Variants in TNR observed in about 807,000 individuals in gnomAD.
TNR encodes the protein tenascin-R.
In TNR, 45 loss-of-function variants were observed where a neutral mutation model predicts 150.4. That is an observed-to-expected ratio of 0.30 (90% CI 0.24 to 0.38). The LOEUF is 0.38. Ranked by LOEUF, TNR falls within the 10% of genes least tolerant of loss-of-function variation. The probability of loss-of-function intolerance (pLI) is 1.00; values close to 1 mark genes in which losing one functional copy is unlikely to be tolerated. For synonymous variants in TNR, 687 were observed against 678.4 expected (o/e 1.01, Z -0.20); for missense variants, 1,544 against 1,759.1 (o/e 0.88, Z 2.19).
At chr1:175,710,379 C>G (rs1666976045) in intron 1 of TNR, among the ~76,000 whole-genome samples, 1 of 152,100 alleles carries the variant, frequency 6.6e-6, no homozygotes, top group African/African-American at 2.4e-5. Context: ...GATTTCTGTC[C>G]TGCTTATGTT....
intron 18 of TNR, among the ~76,000 whole-genome samples, chr1:175,339,074 G>T (rs376663328): frequency 1.3e-5 from 2 of 152,166 alleles, no homozygotes; most frequent in East Asian, 3.8e-4. Context: ...TTTAATTCTT[G>T]CAAGAAACTT....
intron 1 of TNR, among the ~76,000 whole-genome samples, chr1:175,605,778 T>C (rs1196348328): frequency 2.0e-5 from 3 of 152,232 alleles, no homozygotes; most frequent in African/African-American, 7.2e-5. Flanking sequence ...GAATTGCTGG[T>C]CATCTCATCT....
intron 1 of TNR, among the ~76,000 whole-genome samples, chr1:175,586,542 G>T (rs1662582443): frequency 6.6e-6 from 1 of 152,052 alleles, no homozygotes; most frequent in South Asian, 2.1e-4. Flanking sequence ...CTGACCTCAG[G>T]TTATCTGCCC....
chr1:175,493,863 AAC>A (rs1326603999), intron 2 of TNR, among the ~76,000 whole-genome samples: 1 of 151,902 alleles, frequency 6.6e-6, no homozygotes, highest in Admixed American at 6.6e-5. Context: ...ACTCCTCTGA[AAC>A]ACACTCTGTG....
chr1:175,503,129 C>T (rs1351245191), intron 2 of TNR, among the ~76,000 whole-genome samples: 2 of 152,134 alleles, frequency 1.3e-5, no homozygotes, highest in African/African-American at 2.4e-5. Context: ...AGCCAGTACA[C>T]GTTGCTGAGG....
At chr1:175,352,820 C>T (rs539606651) in intron 18 of TNR, among the ~76,000 whole-genome samples, 16 of 152,282 alleles carry the variant, frequency 1.1e-4, no homozygotes, top group African/African-American at 3.4e-4. Context: ...TCACAATCTC[C>T]GCACTCTATA....
intron 2 of TNR, among the ~76,000 whole-genome samples, chr1:175,410,227 T>C (rs1220131015): frequency 6.6e-6 from 1 of 152,096 alleles, no homozygotes; most frequent in Non-Finnish European, 1.5e-5. Flanking sequence ...GGGAGCCCTG[T>C]GGGGAGATAA....
At chr1:175,524,683 A>G (rs541674957) in intron 2 of TNR, among the ~76,000 whole-genome samples, 1 of 152,248 alleles carries the variant, frequency 6.6e-6, no homozygotes, top group African/African-American at 2.4e-5. Context: ...GAAATTGAGC[A>G]AGCTCTTTAT....
intron 2 of TNR, among the ~76,000 whole-genome samples, chr1:175,414,904 G>A (rs1433783174): frequency 6.6e-6 from 1 of 151,616 alleles, no homozygotes; most frequent in African/African-American, 2.4e-5. Context: ...GTCAAAATGG[G>A]GTGGAAAATA....
At chr1:175,641,753 G>A (rs1296486861) in intron 1 of TNR, among the ~76,000 whole-genome samples, 1 of 152,084 alleles carries the variant, frequency 6.6e-6, no homozygotes. Flanking sequence ...ATCTAGGATC[G>A]TGCTGAGGAT....
chr1:175,450,696 A>G (rs944951575), intron 2 of TNR, among the ~76,000 whole-genome samples: 4 of 152,240 alleles, frequency 2.6e-5, no homozygotes, highest in African/African-American at 9.6e-5. Context: ...TGAATGAATG[A>G]ATGAAAGCTT....
In TNR at chr1:175,406,618, G is replaced by C. The variant is rs1174017273; in HGVS notation, c.97C>G (p.Leu33Val). 4 of 1,614,080 alleles carry C rather than the reference G, an allele frequency of 2.5e-6. No homozygotes were observed. Among genetic ancestry groups the C allele is most frequent in the Non-Finnish European group, 3.4e-6 (4 of 1,180,052 alleles). The change falls in exon 3 of 23, where the codon CTG becomes GTG. Residue 33 changes from leucine (L) to valine (V), a missense_variant. Leu to Val is a conservative substitution (Grantham distance 32). Transcript: ENST00000367674. ...GSMIKPSECQ[L>V]EVTTERVQRQ... is the part of the protein sequence containing the mutation. ...TGGACCCTTTCTGTGGTGACCTCCAGCTGACACTCTGAAGGCTTGATCATG... is the reference window on the plus strand; with the variant it reads ...TGGACCCTTTCTGTGGTGACCTCCACCTGACACTCTGAAGGCTTGATCATG...
At chr1:175,708,369 A>C (rs1666901127) in intron 1 of TNR, among the ~76,000 whole-genome samples, 1 of 152,206 alleles carries the variant, frequency 6.6e-6, no homozygotes, top group South Asian at 2.1e-4. Flanking sequence ...CCCTTTCTCC[A>C]AACCAAGACT....
intron 2 of TNR, among the ~76,000 whole-genome samples, chr1:175,512,252 T>C (rs952330764): frequency 1.3e-5 from 2 of 152,214 alleles, no homozygotes; most frequent in African/African-American, 4.8e-5. Flanking sequence ...CCATTTCAAG[T>C]AGGCAGGAGA....
intron 1 of TNR, among the ~76,000 whole-genome samples, chr1:175,623,360 C>A (rs1219870686): frequency 6.6e-6 from 1 of 152,142 alleles, no homozygotes; most frequent in Non-Finnish European, 1.5e-5. Context: ...AAATAAAAGA[C>A]TCCCAGAAAA....
At chr1:175,424,874 G>C (rs531464261) in intron 2 of TNR, among the ~76,000 whole-genome samples, 122 of 152,174 alleles carry the variant, frequency 8.0e-4, no homozygotes, top group African/African-American at 2.7e-3. Flanking sequence ...TGCTCAGAAA[G>C]AGCTTCAGAT....
Position 175,365,163 on chromosome 1 carries a change from C to G in TNR, c.2434G>C (p.Asp812His). The G allele has an allele frequency of 1.9e-6, 3 of 1,614,136 alleles. No homozygotes were observed. The South Asian group carries it at 3.3e-5, about 18-fold the overall frequency. ...DRLILNYSPR[D>H]EEEEMMEVSL... Reference sequence around the variant, plus strand: ...ACCTCCATCATCTCTTCCTCCTCATCCCTGGGGCTGTAGTTAAGAATGAGT... The same window carrying G: ...ACCTCCATCATCTCTTCCTCCTCATGCCTGGGGCTGTAGTTAAGAATGAGT... Residue 812 changes from aspartate to histidine, a missense_variant, in exon 12 of 23, where the codon GAT (aspartate) becomes CAT (histidine). Around this residue, in one of 2 missense-constraint regions of TNR, gnomAD observed 1,254 missense variants for 1,329.4 expected, o/e 0.94. Coordinates refer to ENST00000367674, the MANE Select transcript of TNR (RefSeq NM_003285.3).
At chr1:175,517,746 A>T (rs1659472123) in intron 2 of TNR, among the ~76,000 whole-genome samples, 2 of 152,332 alleles carry the variant, frequency 1.3e-5, no homozygotes, top group South Asian at 4.1e-4. Flanking sequence ...ACTTCCTTGC[A>T]CAGATGATAA....
intron 1 of TNR, among the ~76,000 whole-genome samples, chr1:175,741,738 C>A (rs747059396): frequency 8.5e-5 from 13 of 152,150 alleles, no homozygotes; most frequent in Non-Finnish European, 1.9e-4. Context: ...GTGTCTCTCA[C>A]CCAGAAGGCT....
Sources: gnomAD v4.1 joint callset for allele counts (sites outside exome capture counted in the v4.1 genomes callset) on GRCh38, gnomAD v4.1.1 for gene constraint, gnomAD v4.1.1 regional missense constraint, MANE v1.5 for transcripts, NCBI Gene and HGNC (gene_info 2026-07-23, HGNC 2026-07-21) for gene names.